Variants in USH2A observed in about 807,000 individuals in gnomAD.
USH2A encodes the protein usherin, also known as Usher syndrome 2A (autosomal recessive, mild).
In USH2A, 443 loss-of-function variants were observed where a neutral mutation model predicts 538.9. The ratio of observed to expected loss-of-function variants is 0.82; its 90% confidence interval spans 0.76 to 0.89. USH2A has a LOEUF of 0.89. Among genes scored for constraint, USH2A ranks in the 40% least tolerant of loss-of-function variants. The pLI is 0.00. For missense variants in USH2A, 6,633 were observed against 6,324.8 expected, an observed-to-expected ratio of 1.05 and a Z score of -1.65; for synonymous variants, 2,413 against 2,273.5, an observed-to-expected ratio of 1.06 and a Z score of -1.75.
intron 65 of USH2A, among the ~76,000 whole-genome samples, chr1:215,649,661 T>C (rs1656985504): frequency 6.6e-6 from 1 of 152,218 alleles, no homozygotes; most frequent in African/African-American, 2.4e-5. Flanking sequence ...AAGTTATCTG[T>C]TGAAATTGTG....
chr1:215,842,814 G>C (rs1972368), intron 46 of USH2A, among the ~76,000 whole-genome samples: 1 of 151,688 alleles, frequency 6.6e-6, no homozygotes, highest in Admixed American at 6.6e-5. Context: ...CTGTTGGGGG[G>C]GCATCAGGGG....
chr1:215,874,438 A>C (rs1345911194), intron 43 of USH2A, among the ~76,000 whole-genome samples: 1 of 152,222 alleles, frequency 6.6e-6, no homozygotes, highest in East Asian at 1.9e-4. Context: ...TGTTAGAATT[A>C]AATTATCTGG....
chr1:216,386,465 G>A (rs1341298293), intron 3 of USH2A, among the ~76,000 whole-genome samples: 4 of 150,006 alleles, frequency 2.7e-5, no homozygotes, highest in Non-Finnish European at 4.4e-5. Flanking sequence ...CAGCCTGGGC[G>A]ACAGAGCGAG....
intron 21 of USH2A, among the ~76,000 whole-genome samples, chr1:216,153,490 C>G (rs1409866499): frequency 6.6e-6 from 1 of 152,172 alleles, no homozygotes; most frequent in Non-Finnish European, 1.5e-5. Flanking sequence ...TTCACTGGAG[C>G]CCAATTATAT....
chr1:216,096,257 T>C lies in USH2A; in HGVS notation c.4758+826A>G, dbSNP rs1343518801. 2.0e-5 allele frequency among the ~76,000 whole-genome samples: 3 copies of C among 152,308 alleles called. No individual in the cohort carries two copies. The East Asian group carries it at 5.8e-4, about 29-fold the overall frequency. On this transcript the variant is annotated intron_variant, in intron 22 of 71. Transcript: ENST00000307340. The stretch of plus-strand genomic sequence containing the variant: ...CCCAGCCATAAGAGATTCATCTCAG[T>C]GTACTGAATGTGCCATGTTCTCGTC...
intron 22 of USH2A, among the ~76,000 whole-genome samples, chr1:216,094,871 T>C (rs961044096): frequency 6.6e-6 from 1 of 152,078 alleles, no homozygotes; most frequent in African/African-American, 2.4e-5. Context: ...GTGGCCCAGA[T>C]TCCTCACCTG....
At chr1:216,341,464 T>C (rs1341076267) in intron 4 of USH2A, among the ~76,000 whole-genome samples, 1 of 152,030 alleles carries the variant, frequency 6.6e-6, no homozygotes, top group Non-Finnish European at 1.5e-5. Context: ...CAAACTACCA[T>C]TGACTTTCTT....
intron 56 of USH2A, among the ~76,000 whole-genome samples, chr1:215,760,725 C>A (rs1265548982): frequency 6.6e-6 from 1 of 152,142 alleles, no homozygotes; most frequent in Admixed American, 6.6e-5. Context: ...CTTTCATACG[C>A]CCAAATGTAA....
At position 215,838,643 on chromosome 1, in the gene USH2A, A is replaced by G. The variant is rs1663595166; in HGVS notation, c.9259-540T>C. ...GCAATTGTATTTTTACCTTAATCAC[A>G]GCAGAAAATCATCATTCATCCCTTT... On this transcript the variant is annotated intron_variant, in intron 46 of 71. Coordinates refer to ENST00000307340, the MANE Select transcript of USH2A (RefSeq NM_206933.4). Among the ~76,000 whole-genome samples the G allele has an allele frequency of 2.6e-5, 4 of 152,228 alleles. No homozygotes were observed. In the South Asian group the frequency reaches 8.3e-4, roughly 32 times the overall value.
chr1:215,697,371 T>G (rs773646851), intron 61 of USH2A, among the ~76,000 whole-genome samples: 3 of 152,194 alleles, frequency 2.0e-5, no homozygotes, highest in Non-Finnish European at 4.4e-5. Context: ...GAGTGCCACC[T>G]GTAGCTTGGT....
At chr1:215,907,810 T>C (rs1319249051) in intron 38 of USH2A, among the ~76,000 whole-genome samples, 1 of 151,898 alleles carries the variant, frequency 6.6e-6, no homozygotes, top group Non-Finnish European at 1.5e-5. Flanking sequence ...CTAGGAAAGA[T>C]CCTATAAAAA....
intron 44 of USH2A, among the ~76,000 whole-genome samples, chr1:215,856,832 G>GGTGTGTGTGTGT (rs71159889): frequency 3.5e-5 from 5 of 141,896 alleles, no homozygotes; most frequent in South Asian, 4.8e-4. Context: ...AAAAAAATTT[G>GGTGTGTGTGTGT]GTGTGTGTGT....
chr1:216,338,628 G>GA (rs1296706110), intron 4 of USH2A, among the ~76,000 whole-genome samples: 1 of 151,366 alleles, frequency 6.6e-6, no homozygotes, highest in Non-Finnish European at 1.5e-5. Flanking sequence ...TCAAACCACT[G>GA]AAGGAAATAT....
chr1:215,752,495 A>C (rs1660651714), intron 58 of USH2A, among the ~76,000 whole-genome samples: 1 of 152,178 alleles, frequency 6.6e-6, no homozygotes, highest in Admixed American at 6.5e-5. Flanking sequence ...TCTTTACAGC[A>C]ATTTGAGAAG....
In USH2A at chr1:216,251,039, C is replaced by A. The variant is rs753305011; in HGVS notation, c.2031G>T (p.Gln677His). Residue 677 changes from glutamine (Q) to histidine (H), a missense_variant, in exon 12 of 72, where the codon CAG becomes CAT. Physicochemically the swap from Gln to His is conservative, Grantham distance 24. Transcript: ENST00000307340. ...HVSGRQCNQC[Q>H]NGFYNLQELD... ...ACTCTTGTAGATTGTAGAATCCATT[C>A]TGGCACTGATTGCACTGCCTGCCAG... is the stretch of plus-strand genomic sequence containing the variant. The A allele has an allele frequency of 3.7e-5, 60 of 1,613,968 alleles. No homozygotes were observed. The highest frequency in any genetic ancestry group is 5.1e-5 in the Non-Finnish European group (60 of 1,180,006).
At chr1:216,381,988 T>A in intron 3 of USH2A, among the ~76,000 whole-genome samples, 1 of 152,196 alleles carries the variant, frequency 6.6e-6, no homozygotes, top group South Asian at 2.1e-4. Flanking sequence ...CAATTCCTTG[T>A]AGTTCATGGG....
chr1:216,354,406 T>C (rs2038342343), intron 4 of USH2A, among the ~76,000 whole-genome samples: 1 of 152,140 alleles, frequency 6.6e-6, no homozygotes, highest in Admixed American at 6.6e-5. Flanking sequence ...TAGAAGGAGA[T>C]GCAGACATGG....
At chr1:216,405,427 T>C (rs1404315487) in intron 3 of USH2A, among the ~76,000 whole-genome samples, 1 of 152,046 alleles carries the variant, frequency 6.6e-6, no homozygotes, top group Non-Finnish European at 1.5e-5. Context: ...AATAAGCACA[T>C]GAAAATATGC....
intron 3 of USH2A, among the ~76,000 whole-genome samples, chr1:216,376,891 T>C (rs1343961459): frequency 6.6e-6 from 1 of 152,176 alleles, no homozygotes; most frequent in Non-Finnish European, 1.5e-5. Flanking sequence ...GGGTGAATGC[T>C]CACTTACACT....
Sources: gnomAD v4.1 joint callset for allele counts (sites outside exome capture counted in the v4.1 genomes callset) on GRCh38, gnomAD v4.1.1 for gene constraint, MANE v1.5 for transcripts, NCBI Gene and HGNC (gene_info 2026-07-23, HGNC 2026-07-21) for gene names.